The following THADA variants were observed in gnomAD, a reference collection of about 807,000 sequenced individuals.
The protein encoded by THADA is tRNA (32-2'-O)-methyltransferase regulator THADA.
A neutral mutation model predicts 219.8 loss-of-function variants in THADA; 213 were observed. The observed-to-expected ratio is 0.97, with a 90% CI of 0.87 to 1.09. The LOEUF (loss-of-function observed/expected upper bound fraction) is 1.09. Among genes scored for constraint, THADA ranks in the 50% least tolerant of loss-of-function variants. The probability of loss-of-function intolerance (pLI) is 0.00; values close to 1 mark genes in which losing one functional copy is unlikely to be tolerated. For synonymous variants in THADA, 1,018 were observed against 828.9 expected (o/e 1.23, Z -3.92); for missense variants, 2,956 against 2,311.3 (o/e 1.28, Z -5.72).
chr2:43,288,136 A>T (rs574951180), intron 34 of THADA, among the ~76,000 whole-genome samples: 3 of 152,366 alleles, frequency 2.0e-5, no homozygotes, highest in Non-Finnish European at 2.9e-5. Context: ...ACAGAATCAC[A>T]GGCCGGGCAC....
chr2:43,497,387 G>T (rs559617539), intron 25 of THADA, among the ~76,000 whole-genome samples: 43 of 152,242 alleles, frequency 2.8e-4, no homozygotes, highest in African/African-American at 1.0e-3. Flanking sequence ...TCCTTTGCAG[G>T]GACATGGATG....
At chr2:43,535,079 G>C (rs1694377118) in intron 21 of THADA, among the ~76,000 whole-genome samples, 1 of 149,614 alleles carries the variant, frequency 6.7e-6, no homozygotes, top group Non-Finnish European at 1.5e-5. Flanking sequence ...GTTTTGATTT[G>C]CATTTCCCTG....
chr2:43,498,703 C>T (rs1688571292), intron 25 of THADA, 130 bp downstream of exon 25: 2 of 1,051,424 alleles, frequency 1.9e-6, no homozygotes, highest in Non-Finnish European at 2.6e-6. Flanking sequence ...GTAGCTTGAT[C>T]CAAAGATTTC....
At chr2:43,560,665 A>G (rs1697951882) in intron 15 of THADA, among the ~76,000 whole-genome samples, 1 of 152,200 alleles carries the variant, frequency 6.6e-6, no homozygotes, top group South Asian at 2.1e-4. Context: ...ATAAACAAAA[A>G]CAAGTAAATT....
intron 31 of THADA, among the ~76,000 whole-genome samples, chr2:43,295,917 T>C (rs953114163): frequency 1.4e-5 from 2 of 141,704 alleles, no homozygotes; most frequent in African/African-American, 5.4e-5. Flanking sequence ...AAACCTCTAC[T>C]GTTTTTTTTT....
rs557760033 is a variant in THADA at position 43,337,605 on chromosome 2, T to C, written c.4343+6517A>G. Among the ~76,000 whole-genome samples, 11 of 152,188 alleles carry C rather than the reference T, an allele frequency of 7.2e-5. No individual in the cohort carries two copies. The East Asian group carries it at 2.1e-3, about 29-fold the overall frequency. Reference sequence around the variant, plus strand: ...TTTTAGAAAACAATCTGGCAGTGTATACCAAGACTTTTTCCATTTCCCCTT... The same window carrying C: ...TTTTAGAAAACAATCTGGCAGTGTACACCAAGACTTTTTCCATTTCCCCTT... On this transcript the variant is annotated intron_variant, in intron 30 of 37. Coordinates refer to ENST00000405975, the MANE Select transcript of THADA (RefSeq NM_022065.5).
chr2:43,549,147 G>T, intron 20 of THADA, 63 bp downstream of exon 20: 2 of 1,307,844 alleles, frequency 1.5e-6, no homozygotes, highest in Non-Finnish European at 1.0e-6. Flanking sequence ...TATAAAAAGG[G>T]CATTCTGTAC....
At position 43,566,681 on chromosome 2, in the gene THADA, C is replaced by T. The variant is rs747671631; in HGVS notation, c.2311+17G>A. Reference sequence around the variant, plus strand: ...AGAAAACAAAAATTACTTCCCCTAACATTATTAAACACTTACCTTCTGGGA... The same window carrying T: ...AGAAAACAAAAATTACTTCCCCTAATATTATTAAACACTTACCTTCTGGGA... On this transcript the variant is annotated intron_variant, in intron 15 of 37. Transcript: ENST00000405975. 8 of 1,608,746 alleles carry T rather than the reference C, an allele frequency of 5.0e-6. No individual in the cohort carries two copies. In the East Asian group the frequency reaches 8.9e-5, roughly 18 times the overall value.
chr2:43,338,247 C>G (rs1397904723), intron 30 of THADA, among the ~76,000 whole-genome samples: 2 of 150,854 alleles, frequency 1.3e-5, no homozygotes, highest in Non-Finnish European at 2.9e-5. Flanking sequence ...ACTTCCATCT[C>G]CCAGGTTCAA....
At chr2:43,345,586 G>A (rs550631885) in intron 29 of THADA, among the ~76,000 whole-genome samples, 3 of 152,324 alleles carry the variant, frequency 2.0e-5, no homozygotes, top group African/African-American at 7.2e-5. Flanking sequence ...GGAGTCTGGA[G>A]CAATGGGTCT....
intron 28 of THADA, among the ~76,000 whole-genome samples, chr2:43,414,468 T>C (rs1207878514): frequency 6.6e-6 from 1 of 152,210 alleles, no homozygotes; most frequent in Admixed American, 6.5e-5. Context: ...CAACATACTA[T>C]GGTTTGTATG....
intron 28 of THADA, chr2:43,408,217 T>C (rs1003048216): frequency 6.6e-6 from 1 of 152,190 alleles, no homozygotes; most frequent in East Asian, 1.9e-4. Context: ...GTTCCACAAA[T>C]GCTGTGGCAG....
chr2:43,496,424 T>C (rs1688287749), intron 25 of THADA, among the ~76,000 whole-genome samples: 1 of 152,198 alleles, frequency 6.6e-6, no homozygotes, highest in African/African-American at 2.4e-5. Context: ...TGCGACTCAG[T>C]ATTTAACCTC....
At chr2:43,269,074 C>T (rs60554059) in intron 36 of THADA, among the ~76,000 whole-genome samples, 14 of 152,250 alleles carry the variant, frequency 9.2e-5, no homozygotes, top group African/African-American at 2.9e-4. Context: ...CTGAGGAAAG[C>T]GAAAGTTCCT....
intron 28 of THADA, among the ~76,000 whole-genome samples, chr2:43,413,390 T>C (rs2104766279): frequency 6.6e-6 from 1 of 152,270 alleles, no homozygotes; most frequent in South Asian, 2.1e-4. Flanking sequence ...GCAGTCTGAT[T>C]AGCAAAGATG....
intron 29 of THADA, among the ~76,000 whole-genome samples, chr2:43,382,142 C>G (rs893720935): frequency 2.0e-5 from 3 of 152,000 alleles, no homozygotes; most frequent in Admixed American, 1.3e-4. Context: ...TAAGGAGATA[C>G]GACATCTAAA....
chr2:43,376,343 A>G (rs1047995824), intron 29 of THADA, among the ~76,000 whole-genome samples: 4 of 152,220 alleles, frequency 2.6e-5, no homozygotes, highest in Admixed American at 6.5e-5. Flanking sequence ...TCTTCAAAAA[A>G]TGGTCTCCAT....
At chr2:43,261,843 A>G (rs928696807) in intron 36 of THADA, among the ~76,000 whole-genome samples, 36 of 151,880 alleles carry the variant, frequency 2.4e-4, no homozygotes, top group African/African-American at 8.7e-4. Context: ...CACCCTGTTG[A>G]CCAGGCTGGT....
At chr2:43,343,790 T>C (rs1331523278) in intron 30 of THADA, 2 of 226,452 alleles carry the variant, frequency 8.8e-6, no homozygotes, top group African/African-American at 2.3e-5. Flanking sequence ...TAAGAGTCTG[T>C]ACCACATGAT....
Sources: gnomAD v4.1 joint callset for allele counts (sites outside exome capture counted in the v4.1 genomes callset) on GRCh38, gnomAD v4.1.1 for gene constraint, MANE v1.5 for transcripts, NCBI Gene and HGNC (gene_info 2026-07-23, HGNC 2026-07-21) for gene names.